Variants in AHRR observed in about 807,000 individuals in gnomAD.
AHRR encodes the protein ahR repressor.
AHRR carries 28 observed loss-of-function variants against 44.0 expected under a neutral mutation model. That is an observed-to-expected ratio of 0.64 (90% CI 0.47 to 0.87). The LOEUF (loss-of-function observed/expected upper bound fraction) is 0.87, where lower values mean the gene tolerates loss of function less well. AHRR is among the 40% of genes least tolerant of loss of function. The pLI is 0.00. For missense variants in AHRR, 990 were observed against 953.9 expected, an observed-to-expected ratio of 1.04 and a Z score of -0.50; for synonymous variants, 434 against 407.0, an observed-to-expected ratio of 1.07 and a Z score of -0.80.
At chr5:420,927 C>T (rs1218590293) in intron 5 of AHRR, 2 of 242,446 alleles carry the variant, frequency 8.2e-6, no homozygotes, top group African/African-American at 3.4e-5. Flanking sequence ...GGCACGCACA[C>T]GCAGCCACCC....
At chr5:433,276 C>G (rs1257428949) in intron 10 of AHRR, among the ~76,000 whole-genome samples, 1 of 152,130 alleles carries the variant, frequency 6.6e-6, no homozygotes, top group African/African-American at 2.4e-5. Context: ...TGCCTTTGCT[C>G]AGAGCCCTCT....
Position 387,020 on chromosome 5 carries a change from T to C in AHRR, c.351+10304T>C, listed in dbSNP as rs771732682. 3.3e-5 allele frequency among the ~76,000 whole-genome samples: 5 copies of C among 152,248 alleles called. No homozygotes were observed. Among genetic ancestry groups the C allele is most frequent in the Non-Finnish European group, 7.3e-5 (5 of 68,038 alleles). ...TCAGCTCGCAGGTTCTCTCTCCTTC[T>C]GGGAGCCTTGTTTCCATATCCGTTT... On this transcript the variant is annotated intron_variant, in intron 4 of 10. Transcript: ENST00000684583. The surrounding 1 kb of genome is among the most constrained non-coding windows in gnomAD (Gnocchi z 5.1).
intron 5 of AHRR, among the ~76,000 whole-genome samples, chr5:420,079 A>G (rs1332901688): frequency 6.6e-6 from 1 of 152,198 alleles, no homozygotes; most frequent in African/African-American, 2.4e-5. Flanking sequence ...TTATTCAGCT[A>G]AGCTTCCCTC....
At chr5:396,626 C>G (rs1191282163) in intron 4 of AHRR, among the ~76,000 whole-genome samples, 2 of 152,190 alleles carry the variant, frequency 1.3e-5, no homozygotes, top group Non-Finnish European at 2.9e-5. Flanking sequence ...GCCTGCTGTT[C>G]CGAAACTCCT....
rs207465421 is a variant in AHRR at position 432,954 on chromosome 5, G to A, written c.1112+7G>A. 1.2e-5 allele frequency: 19 copies of A among 1,585,276 alleles called. No homozygotes were observed. In the South Asian group the frequency reaches 1.9e-4, roughly 16 times the overall value. On this transcript the variant is annotated splice_region_variant and intron_variant, in intron 10 of 10. Transcript: ENST00000684583. ...ACCCCAAGGGGGGCTCAGGGTAAGT[G>A]GTGCCAGGCAGCCTCCCCCAGCCCT...
At chr5:403,729 A>C (rs1735133961) in intron 4 of AHRR, 13 of 1,258,552 alleles carry the variant, frequency 1.0e-5, no homozygotes, top group African/African-American at 3.0e-5. Flanking sequence ...TCCGTATTAA[A>C]ATTACTGATG....
chr5:434,035 G>A lies in AHRR; in HGVS notation c.1295G>A (p.Gly432Asp). The A allele has an allele frequency of 6.2e-7, 1 of 1,608,144 alleles. No homozygotes were observed. The highest frequency in any genetic ancestry group is 8.5e-7 in the Non-Finnish European group (1 of 1,177,790). Residue 432 changes from glycine (G) to aspartate (D), a missense_variant, in exon 11 of 11, where the codon GGC becomes GAC. Coordinates refer to ENST00000684583, the MANE Select transcript of AHRR (RefSeq NM_001377236.1). ...CCCTCCCTGCGCCCCATGCCCCGCG[G>A]CTCCTGCCTGCCCTGCCCGTGTGTC... ...DPPSLRPMPR[G>D]SCLPCPCVQG... is the part of the protein sequence containing the mutation.
intron 3 of AHRR, 117 bp downstream of exon 3, chr5:354,028 CCTT>C: frequency 1.8e-6 from 2 of 1,085,360 alleles, no homozygotes; most frequent in South Asian, 3.1e-5. Flanking sequence ...ATGTGCACTC[CCTT>C]CTTCCCCCAC....
In AHRR at chr5:387,940, A is replaced by C. The variant is rs370461468; in HGVS notation, c.351+11224A>C. On this transcript the variant is annotated intron_variant, in intron 4 of 10. Coordinates refer to ENST00000684583, the MANE Select transcript of AHRR (RefSeq NM_001377236.1). The surrounding 1 kb of genome is among the most constrained non-coding windows in gnomAD (Gnocchi z 5.1). ...AAGGCTCTTGGGGAGAGTGTACTCCACACCCCCTCGCTTCTGGAATGTTCT... is the reference window on the plus strand; with the variant it reads ...AAGGCTCTTGGGGAGAGTGTACTCCCCACCCCCTCGCTTCTGGAATGTTCT... 2.0e-5 allele frequency among the ~76,000 whole-genome samples: 3 copies of C among 151,992 alleles called. No individual in the cohort carries two copies. The highest frequency in any genetic ancestry group is 4.1e-4 in the South Asian group (2 of 4,824).
chr5:434,595 C>T lies in AHRR; in HGVS notation c.1855C>T (p.Leu619=), dbSNP rs1736910574. The change falls in exon 11 of 11, where the codon CTG becomes TTG. Residue 619 remains leucine (L), a synonymous_variant. Coordinates refer to ENST00000684583, the MANE Select transcript of AHRR (RefSeq NM_001377236.1). ...TPFHPAHCAC[L]EPTDGLPQSE... ...TTTCCACCCTGCACACTGTGCCTGC[C>T]TGGAGCCCACAGACGGCCTTCCCCA... is the stretch of plus-strand genomic sequence containing the variant. The T allele has an allele frequency of 8.3e-6, 13 of 1,571,320 alleles. No individual in the cohort carries two copies. In the East Asian group the frequency reaches 3.1e-4, roughly 37 times the overall value.
At position 434,012 on chromosome 5, in the gene AHRR, C is replaced by T. The variant is rs745480965; in HGVS notation, c.1272C>T (p.Pro424=). ...PRLQPSKNDP[P]SLRPMPRGSC... ...TGCAGCCCAGCAAGAATGACCCGCC[C>T]TCCCTGCGCCCCATGCCCCGCGGCT... The change falls in exon 11 of 11, where the codon CCC becomes CCT. Residue 424 remains proline (P), a synonymous_variant. Coordinates refer to ENST00000684583, the MANE Select transcript of AHRR (RefSeq NM_001377236.1). The T allele has an allele frequency of 1.4e-5, 22 of 1,583,714 alleles. No individual in the cohort carries two copies. The South Asian group carries it at 2.6e-4, about 19-fold the overall frequency.
intron 8 of AHRR, among the ~76,000 whole-genome samples, chr5:429,261 T>G (rs2671908): frequency 1.3e-4 from 19 of 147,578 alleles, no homozygotes; most frequent in Non-Finnish European, 2.2e-4. Flanking sequence ...GAGGTAGGGC[T>G]GGGCCGCCAG....
rs570439225 is a variant in AHRR, at chr5:389,445, C to T, written c.351+12729C>T. 9.2e-5 allele frequency among the ~76,000 whole-genome samples: 14 copies of T among 152,286 alleles called. No homozygotes were observed. The East Asian group carries it at 1.4e-3, about 15-fold the overall frequency. Reference sequence around the variant, plus strand: ...CACCAACATCAAGCCACATTCAACGCGAGGGAGCCACGTGCTGCGTAGCCG... The same window carrying T: ...CACCAACATCAAGCCACATTCAACGTGAGGGAGCCACGTGCTGCGTAGCCG... On this transcript the variant is annotated intron_variant, in intron 4 of 10. Coordinates refer to ENST00000684583, the MANE Select transcript of AHRR (RefSeq NM_001377236.1).
chr5:353,655 G>A, intron 2 of AHRR, 75 bp from the exon 3 acceptor site: 1 of 1,428,854 alleles, frequency 7.0e-7, no homozygotes. Context: ...GGTCACTGCA[G>A]AGGACGGTTT....
chr5:408,003 G>A (rs995138842), intron 4 of AHRR, among the ~76,000 whole-genome samples: 1 of 152,226 alleles, frequency 6.6e-6, no homozygotes, highest in African/African-American at 2.4e-5. Context: ...TACCATGGGA[G>A]GGAGTTGGCA....
intron 2 of AHRR, among the ~76,000 whole-genome samples, chr5:346,337 A>G (rs1413734405): frequency 6.6e-6 from 1 of 152,180 alleles, no homozygotes; most frequent in Non-Finnish European, 1.5e-5. Flanking sequence ...ATAGGTGAGC[A>G]CACTAGCTAT....
At chr5:353,070 T>G (rs1392864531) in intron 2 of AHRR, among the ~76,000 whole-genome samples, 1 of 152,074 alleles carries the variant, frequency 6.6e-6, no homozygotes, top group Non-Finnish European at 1.5e-5. Flanking sequence ...AGGTGGCCCC[T>G]TTTTGTGGGT....
At chr5:399,160 C>T (rs1338626009) in intron 4 of AHRR, among the ~76,000 whole-genome samples, 2 of 152,238 alleles carry the variant, frequency 1.3e-5, no homozygotes, top group Non-Finnish European at 2.9e-5. Context: ...AGGGACGGCC[C>T]AGGCCAACTC....
chr5:399,451 A>G (rs1734915525), intron 4 of AHRR, among the ~76,000 whole-genome samples: 1 of 152,236 alleles, frequency 6.6e-6, no homozygotes. Context: ...AGAAAATGAC[A>G]TCAACTTTAG....
Sources: allele counts gnomAD v4.1 joint callset (sites outside exome capture counted in the v4.1 genomes callset), GRCh38; gene constraint gnomAD v4.1.1; non-coding constraint Gnocchi (gnomAD v3.1); transcripts MANE v1.5; gene names NCBI Gene and HGNC (gene_info 2026-07-23, HGNC 2026-07-21).